Variants in SYT14 observed in about 807,000 individuals in gnomAD.
SYT14 encodes the protein synaptotagmin-14.
SYT14 carries 32 observed loss-of-function variants against 74.2 expected under a neutral mutation model. The ratio of observed to expected loss-of-function variants is 0.43; its 90% CI spans 0.33 to 0.58. SYT14 has a LOEUF of 0.58. SYT14 is among the 20% of genes least tolerant of loss of function. The probability of loss-of-function intolerance (pLI) is 0.05; values close to 1 mark genes in which losing one functional copy is unlikely to be tolerated. For synonymous variants in SYT14, 298 were observed against 337.7 expected, an observed-to-expected ratio of 0.88 and a Z score of 1.29; for missense variants, 791 against 981.8, an observed-to-expected ratio of 0.81 and a Z score of 2.60.
intron 5 of SYT14, among the ~76,000 whole-genome samples, chr1:210,086,241 G>A (rs1302676149): frequency 1.3e-5 from 2 of 151,940 alleles, no homozygotes; most frequent in Non-Finnish European, 2.9e-5. Context: ...AGTTTAAGCT[G>A]GTATCTACCA....
intron 2 of SYT14, among the ~76,000 whole-genome samples, chr1:209,971,546 G>C (rs1382968823): frequency 6.6e-6 from 1 of 152,110 alleles, no homozygotes; most frequent in Non-Finnish European, 1.5e-5. Context: ...TTATTATTTT[G>C]AGGTATGTTC....
chr1:209,956,402 T>C (rs1415952717), intron 2 of SYT14, among the ~76,000 whole-genome samples: 2 of 152,166 alleles, frequency 1.3e-5, no homozygotes, highest in Admixed American at 6.5e-5. Flanking sequence ...GGCTCCTAGC[T>C]TGTGGCTCTG....
At chr1:210,146,435 T>A (rs972027549) in intron 7 of SYT14, among the ~76,000 whole-genome samples, 1 of 145,722 alleles carries the variant, frequency 6.9e-6, no homozygotes, top group Admixed American at 6.8e-5. Flanking sequence ...TGAATATGAA[T>A]GTTTCTAAAA....
At chr1:210,117,944 A>G (rs1422738330) in intron 7 of SYT14, among the ~76,000 whole-genome samples, 1 of 152,212 alleles carries the variant, frequency 6.6e-6, no homozygotes, top group Non-Finnish European at 1.5e-5. Flanking sequence ...AGCCATCCAA[A>G]TGCTAATCCC....
intron 7 of SYT14, among the ~76,000 whole-genome samples, chr1:210,153,412 A>G (rs2102706154): frequency 6.6e-6 from 1 of 152,330 alleles, no homozygotes; most frequent in South Asian, 2.1e-4. Context: ...TACAAAATTG[A>G]GCTAATACAG....
Position 210,141,036 on chromosome 1 carries a change from T to C in SYT14, c.2035-14685T>C, listed in dbSNP as rs1455305043. 1.8e-4 allele frequency among the ~76,000 whole-genome samples: 25 copies of C among 139,574 alleles called. No homozygotes were observed. In the Admixed American group the frequency reaches 1.8e-3, roughly 10 times the overall value. 91.6% of individuals were successfully genotyped at this position (139,574 alleles called of 152,430 possible). A position where few individuals can be genotyped will look rare whatever the true frequency, so the allele number is the denominator to read the frequency against. Reference sequence around the variant, plus strand: ...ACACTTAAATTTTAGGATTGACTTCTTTGTTTCTGCAAAAAAAAAAAAAAA... The same window carrying C: ...ACACTTAAATTTTAGGATTGACTTCCTTGTTTCTGCAAAAAAAAAAAAAAA... On this transcript the variant is annotated intron_variant, in intron 7 of 9. Coordinates refer to ENST00000637265, the Ensembl canonical transcript of SYT14.
intron 7 of SYT14, 140 bp downstream of exon 6, chr1:210,100,601 A>G: frequency 1.2e-6 from 1 of 840,796 alleles, no homozygotes; most frequent in Non-Finnish European, 1.9e-6. Flanking sequence ...AAAAATATCT[A>G]AGCCCTGGAT....
rs192455410 is a variant in SYT14, at chr1:210,023,716, T to C, written c.1312+2462T>C. On this transcript the variant is annotated intron_variant, in intron 5 of 9. Transcript: ENST00000637265. ...TGATTTCGATTTTGGGAAGTAGGAA[T>C]CTGAGGAAGTCTAATGGGGTCTAGG... Among the ~76,000 whole-genome samples, 7 of 152,296 alleles carry C rather than the reference T, an allele frequency of 4.6e-5. No individual in the cohort carries two copies. The East Asian group carries it at 1.4e-3, about 29-fold the overall frequency.
chr1:209,949,821 A>T (rs2078883613), intron 1 of SYT14, among the ~76,000 whole-genome samples: 2 of 152,182 alleles, frequency 1.3e-5, no homozygotes, highest in Non-Finnish European at 2.9e-5. Flanking sequence ...AAGGTCATGC[A>T]TAGTCTTATT....
chr1:210,001,863 C>T (rs2079906543), intron 2 of SYT14, among the ~76,000 whole-genome samples: 1 of 152,050 alleles, frequency 6.6e-6, no homozygotes, highest in South Asian at 2.1e-4. Flanking sequence ...ACATCAAGGC[C>T]GACTGTGGAA....
chr1:210,004,239 TATTTCTTTA>T (rs372317579), intron 2 of SYT14, among the ~76,000 whole-genome samples: 59 of 152,252 alleles, frequency 3.9e-4, no homozygotes, highest in African/African-American at 1.3e-3. Context: ...TTTGATGTGT[TATTTCTTTA>T]ATATATTGAG....
At chr1:209,951,523 T>C (rs1037967351) in intron 1 of SYT14, among the ~76,000 whole-genome samples, 1 of 152,176 alleles carries the variant, frequency 6.6e-6, no homozygotes, top group African/African-American at 2.4e-5. Flanking sequence ...ATTTTCTTTA[T>C]CCATTTCCAC....
chr1:210,006,620 G>A (rs1244816866), intron 2 of SYT14, among the ~76,000 whole-genome samples: 1 of 151,824 alleles, frequency 6.6e-6, no homozygotes, highest in Non-Finnish European at 1.5e-5. Context: ...TGCCCAGCAG[G>A]ACAAATCAGC....
At chr1:209,942,360 A>AACC (rs2078747291) in intron 1 of SYT14, among the ~76,000 whole-genome samples, 4 of 74,594 alleles carry the variant, frequency 5.4e-5, no homozygotes, top group African/African-American at 1.9e-4. Flanking sequence ...ATGCAAATTT[A>AACC]CCCCCCCCCC....
chr1:210,021,340 A>C (rs11119394), intron 5 of SYT14, 86 bp downstream of exon 4: 1 of 1,189,338 alleles, frequency 8.4e-7, no homozygotes, highest in South Asian at 1.3e-5. Flanking sequence ...CTGTGGTTGC[A>C]GAATAAACAA....
At chr1:210,069,507 A>G (rs1242651322) in intron 5 of SYT14, among the ~76,000 whole-genome samples, 1 of 152,012 alleles carries the variant, frequency 6.6e-6, no homozygotes, top group Admixed American at 6.6e-5. Flanking sequence ...GGATTGTCCC[A>G]TATATCATTT....
In SYT14 at chr1:209,982,999, G is replaced by A. The variant is rs147246956; in HGVS notation, c.-486+30243G>A. ...ATTTGCTATATGCTTATCGCTTTTG[G>A]TGAGGTGTCTTTTAAGGCCTTTGGC... On this transcript the variant is annotated intron_variant, in intron 2 of 9. Transcript: ENST00000637265. Among the ~76,000 whole-genome samples the A allele has an allele frequency of 7.5e-3, 1,132 of 151,726 alleles. 7 individuals carry two copies. The highest frequency in any genetic ancestry group is 0.026 in the African/African-American group (1,064 of 41,456).
chr1:210,033,655 T>G (rs1206019598), intron 5 of SYT14, among the ~76,000 whole-genome samples: 1 of 151,834 alleles, frequency 6.6e-6, no homozygotes, highest in African/African-American at 2.4e-5. Context: ...TAAGATCATT[T>G]AAATGGATTT....
intron 7 of SYT14, among the ~76,000 whole-genome samples, chr1:210,114,974 G>A (rs2082330362): frequency 6.6e-6 from 1 of 151,030 alleles, no homozygotes; most frequent in South Asian, 2.1e-4. Context: ...CAGGCAGGAG[G>A]GAAAGAAGGA....
Sources: allele counts gnomAD v4.1 joint callset (sites outside exome capture counted in the v4.1 genomes callset), GRCh38; gene constraint gnomAD v4.1.1; transcripts MANE v1.5; gene names NCBI Gene and HGNC (gene_info 2026-07-23, HGNC 2026-07-21).